The following GPSM2 variants were observed in gnomAD, a reference collection of about 807,000 sequenced individuals.
GPSM2 encodes G protein signaling modulator 2, also known as G protein-signaling modulator 2.
In GPSM2, 58 loss-of-function variants were observed where a neutral mutation model predicts 78.4. The observed-to-expected ratio is 0.74, with a 90% CI of 0.60 to 0.92. The LOEUF is 0.92. Ranked by LOEUF, GPSM2 falls within the 40% of genes least tolerant of loss-of-function variation. The pLI, the probability that GPSM2 is intolerant of heterozygous loss-of-function variation, is 0.00. For missense variants in GPSM2, 700 were observed against 815.5 expected (o/e 0.86, Z 1.73); for synonymous variants, 224 against 280.2 (o/e 0.80, Z 2.00).
chr1:108,886,555 A>G (rs764457623), intron 2 of GPSM2, among the ~76,000 whole-genome samples: 9 of 152,220 alleles, frequency 5.9e-5, no homozygotes, highest in South Asian at 4.1e-4. Context: ...TGGATTGTCT[A>G]CATTCCTGGT....
Position 108,930,219 on chromosome 1 carries a change from G to A in GPSM2, c.*279G>A, listed in dbSNP as rs1651683561. 1 of 341,978 alleles carries A rather than the reference G, an allele frequency of 2.9e-6. No homozygotes were observed. The highest frequency in any genetic ancestry group is 4.3e-5 in the Admixed American group (1 of 23,010). 21.2% of individuals were successfully genotyped at this position (341,978 alleles called of 1,614,324 possible). On this transcript the variant is annotated 3_prime_UTR_variant, in exon 15 of 15. Transcript: ENST00000264126. ...GATTACTTTACCTAGTGTTTATAAAGTAGGAAGTTAAGTGAATCATAGATT... is the reference window on the plus strand; with the variant it reads ...GATTACTTTACCTAGTGTTTATAAAATAGGAAGTTAAGTGAATCATAGATT...
intron 12 of GPSM2, among the ~76,000 whole-genome samples, chr1:108,921,820 T>C (rs1460887586): frequency 3.3e-5 from 5 of 152,206 alleles, no homozygotes; most frequent in African/African-American, 1.2e-4. Context: ...GCCCGTAACA[T>C]TTTTGTATAT....
At chr1:108,914,608 T>C (rs1650034974) in intron 11 of GPSM2, among the ~76,000 whole-genome samples, 200 bp downstream of exon 11, 1 of 152,122 alleles carries the variant, frequency 6.6e-6, no homozygotes, top group Non-Finnish European at 1.5e-5. Flanking sequence ...GAAAAATACA[T>C]GCATATATTT....
chr1:108,879,561 A>T (rs1665794470), intron 1 of GPSM2, among the ~76,000 whole-genome samples: 1 of 152,184 alleles, frequency 6.6e-6, no homozygotes, highest in African/African-American at 2.4e-5. Flanking sequence ...GAGGCCGGGT[A>T]CGGTGGCTCA....
intron 11 of GPSM2, among the ~76,000 whole-genome samples, chr1:108,917,609 CACATATATATATATATATATATATAT>C (rs1244966477): frequency 2.2e-5 from 2 of 90,192 alleles, no homozygotes; most frequent in African/African-American, 3.1e-5. Flanking sequence ...CACACACACA[CACATATATATATATATATATATATAT>C]ATATATATAT....
intron 10 of GPSM2, among the ~76,000 whole-genome samples, chr1:108,911,535 A>G (rs1327174383): frequency 1.3e-5 from 2 of 152,210 alleles, no homozygotes; most frequent in Admixed American, 1.3e-4. Context: ...TCAGAAAAAC[A>G]AAAACACAAG....
chr1:108,881,250 T>G (rs1027222788), intron 1 of GPSM2, among the ~76,000 whole-genome samples: 1 of 152,226 alleles, frequency 6.6e-6, no homozygotes, highest in African/African-American at 2.4e-5. Context: ...GGAGCATTGC[T>G]TGGAAGATGC....
At chr1:108,889,579 A>G (rs760421384) in intron 2 of GPSM2, among the ~76,000 whole-genome samples, 2 of 152,190 alleles carry the variant, frequency 1.3e-5, no homozygotes, top group Non-Finnish European at 2.9e-5. Flanking sequence ...CTTTGAATAA[A>G]TTTTGCGTCT....
chr1:108,917,647 TATATATATATATATATATAA>T (rs1399522671), intron 11 of GPSM2, among the ~76,000 whole-genome samples: 5 of 28,210 alleles, frequency 1.8e-4, no homozygotes, highest in Non-Finnish European at 3.1e-4. Context: ...TATATATATA[TATATATATATATATATATAA>T]ATGAGTTCTC....
chr1:108,895,732 G>A (rs928015706), intron 2 of GPSM2, among the ~76,000 whole-genome samples: 2 of 152,082 alleles, frequency 1.3e-5, no homozygotes, highest in African/African-American at 4.8e-5. Flanking sequence ...ACATTATGGT[G>A]AATGTATAGT....
Position 108,912,984 on chromosome 1 carries a change from T to G in GPSM2, c.1193-1354T>G, listed in dbSNP as rs561484666. On this transcript the variant is annotated intron_variant, in intron 10 of 14. Transcript: ENST00000264126. ...ATATGAGAAGATATTTAACTTCATC[T>G]CATCAGCAAACATCACAGTGGAGTA... Among the ~76,000 whole-genome samples the G allele has an allele frequency of 2.0e-5, 3 of 152,146 alleles. No individual in the cohort carries two copies. In the South Asian group the frequency reaches 6.2e-4, roughly 32 times the overall value.
intron 14 of GPSM2, chr1:108,926,869 C>T (rs1027812850): frequency 6.6e-6 from 1 of 152,082 alleles, no homozygotes; most frequent in East Asian, 1.9e-4. Flanking sequence ...GAAATTCTAG[C>T]TGGAGCAATT....
At chr1:108,921,975 G>A (rs1650745359) in intron 12 of GPSM2, among the ~76,000 whole-genome samples, 1 of 151,922 alleles carries the variant, frequency 6.6e-6, no homozygotes, top group African/African-American at 2.4e-5. Context: ...TTTGAAGTTT[G>A]TATTTTTTCA....
At chr1:108,887,169 T>C (rs1438504675) in intron 2 of GPSM2, among the ~76,000 whole-genome samples, 1 of 152,214 alleles carries the variant, frequency 6.6e-6, no homozygotes, top group African/African-American at 2.4e-5. Flanking sequence ...ATTATAGGCA[T>C]GAGCCACCAA....
chr1:108,922,344 CATG>C, intron 12 of GPSM2, 70 bp from the exon 13 acceptor site: 1 of 1,110,964 alleles, frequency 9.0e-7, no homozygotes, highest in Non-Finnish European at 1.4e-6. Context: ...TTGAATGCAT[CATG>C]ATGTTCATTG....
chr1:108,888,145 A>G (rs947102096), intron 2 of GPSM2, among the ~76,000 whole-genome samples: 4 of 152,166 alleles, frequency 2.6e-5, no homozygotes, highest in East Asian at 3.9e-4. Context: ...TCTGCCTCTC[A>G]GGTTCAAGCA....
At chr1:108,912,884 T>C (rs1482331887) in intron 10 of GPSM2, among the ~76,000 whole-genome samples, 1 of 50,276 alleles carries the variant, frequency 2.0e-5, no homozygotes, top group African/African-American at 6.9e-5. Context: ...GTCTCTACTT[T>C]AAAAAAAAAA....
At chr1:108,882,920 C>A (rs1647233417) in intron 1 of GPSM2, among the ~76,000 whole-genome samples, 1 of 152,112 alleles carries the variant, frequency 6.6e-6, no homozygotes, top group Admixed American at 6.5e-5. Context: ...ATACTGCTCC[C>A]TAGCCCGTGC....
At chr1:108,891,913 T>C (rs913586352) in intron 2 of GPSM2, among the ~76,000 whole-genome samples, 1 of 152,216 alleles carries the variant, frequency 6.6e-6, no homozygotes, top group African/African-American at 2.4e-5. Context: ...TCTTATTCTA[T>C]ATTATTAATC....
Sources: gnomAD v4.1 joint callset for allele counts (sites outside exome capture counted in the v4.1 genomes callset) on GRCh38, gnomAD v4.1.1 for gene constraint, MANE v1.5 for transcripts, NCBI Gene and HGNC (gene_info 2026-07-23, HGNC 2026-07-21) for gene names.